Variants in SCFD1 observed in about 807,000 individuals in gnomAD.
SCFD1 encodes the protein sec1 family domain containing 1.
SCFD1 carries 37 observed loss-of-function variants against 103.2 expected under a neutral mutation model. The observed-to-expected ratio is 0.36, with a 90% confidence interval of 0.28 to 0.47. The LOEUF (loss-of-function observed/expected upper bound fraction) is 0.47. Ranked by LOEUF, SCFD1 falls within the 20% of genes least tolerant of loss-of-function variation. The pLI is 1.00. For synonymous variants in SCFD1, 264 were observed against 245.0 expected (o/e 1.08, Z -0.73); for missense variants, 639 against 761.2 (o/e 0.84, Z 1.89).
intron 10 of SCFD1, among the ~76,000 whole-genome samples, chr14:30,654,222 T>C (rs1886677368): frequency 1.3e-5 from 2 of 152,252 alleles, no homozygotes; most frequent in South Asian, 4.1e-4. Context: ...CAGGCCAGAA[T>C]AGTCTCTATT....
At chr14:30,628,747 G>A (rs1883788018) in intron 2 of SCFD1, among the ~76,000 whole-genome samples, 1 of 152,090 alleles carries the variant, frequency 6.6e-6, no homozygotes, top group Admixed American at 6.6e-5. Context: ...GAGAAATACT[G>A]GAGAGCCTTT....
At position 30,651,851 on chromosome 14, in the gene SCFD1, G is replaced by A. The variant is rs116594424; in HGVS notation, c.755+1201G>A. Among the ~76,000 whole-genome samples, 555 of 152,124 alleles carry A rather than the reference G, an allele frequency of 3.6e-3. 7 individuals are homozygous for A. The highest frequency in any genetic ancestry group is 0.013 in the African/African-American group (525 of 41,502). On this transcript the variant is annotated intron_variant, in intron 9 of 24. Transcript: ENST00000458591. ...TGATTTTCAACTAAGGGCAGTTTTTGCCTCCCATAGCCATTTGGTAATGTC... is the reference window on the plus strand; with the variant it reads ...TGATTTTCAACTAAGGGCAGTTTTTACCTCCCATAGCCATTTGGTAATGTC...
At chr14:30,623,204 C>G (rs1406719141) in intron 1 of SCFD1, among the ~76,000 whole-genome samples, 1 of 152,094 alleles carries the variant, frequency 6.6e-6, no homozygotes, top group African/African-American at 2.4e-5. Flanking sequence ...AGTTTTCAAG[C>G]AATTTATTCT....
At chr14:30,640,466 C>T (rs560741711) in intron 6 of SCFD1, among the ~76,000 whole-genome samples, 9 of 152,102 alleles carry the variant, frequency 5.9e-5, no homozygotes, top group Non-Finnish European at 1.3e-4. Flanking sequence ...ACCTAGTTTT[C>T]CTTAAGCCTT....
At chr14:30,694,610 G>A (rs1191083172) in intron 14 of SCFD1, among the ~76,000 whole-genome samples, 163 bp from the exon 15 acceptor site, 1 of 152,152 alleles carries the variant, frequency 6.6e-6, no homozygotes, top group East Asian at 1.9e-4. Context: ...AGTTGAGATT[G>A]CACCACTGTA....
chr14:30,683,384 A>G, intron 14 of SCFD1: 2 of 543,496 alleles, frequency 3.7e-6, no homozygotes, highest in Non-Finnish European at 3.4e-6. Context: ...TCAGGTCTTC[A>G]TATATTGTGG....
chr14:30,697,490 T>C (rs964285962), intron 15 of SCFD1, among the ~76,000 whole-genome samples: 1 of 152,206 alleles, frequency 6.6e-6, no homozygotes, highest in South Asian at 2.1e-4. Flanking sequence ...AAAATACTTA[T>C]TAACTGTAAG....
At chr14:30,659,115 TTAATC>T (rs1035424838) in intron 10 of SCFD1, among the ~76,000 whole-genome samples, 8 of 151,978 alleles carry the variant, frequency 5.3e-5, no homozygotes, top group South Asian at 2.1e-4. Flanking sequence ...GAATTTTTAT[TTAATC>T]TAAGGGAGAA....
chr14:30,630,617 G>A, intron 3 of SCFD1, 52 bp downstream of exon 3: 1 of 1,078,000 alleles, frequency 9.3e-7, no homozygotes, highest in East Asian at 2.4e-5. Flanking sequence ...AACATTTATA[G>A]AGAAAAATAG....
At chr14:30,649,676 A>G (rs1886216466) in intron 8 of SCFD1, 93 bp downstream of exon 8, 1 of 917,306 alleles carries the variant, frequency 1.1e-6, no homozygotes, top group South Asian at 1.6e-5. Flanking sequence ...ATTTAAATAT[A>G]TGATTGCTTG....
At chr14:30,713,486 A>G (rs1892041964) in intron 19 of SCFD1, among the ~76,000 whole-genome samples, 2 of 152,184 alleles carry the variant, frequency 1.3e-5, no homozygotes, top group African/African-American at 4.8e-5. Context: ...ATGTTACTTA[A>G]TGACCTATTT....
At chr14:30,681,097 C>T (rs986862604) in intron 14 of SCFD1, among the ~76,000 whole-genome samples, 1 of 151,830 alleles carries the variant, frequency 6.6e-6, no homozygotes, top group African/African-American at 2.4e-5. Context: ...CATGGTGGCG[C>T]ACACCTGTAG....
chr14:30,691,932 C>CTTTA (rs10639442), intron 14 of SCFD1, among the ~76,000 whole-genome samples: 62,261 of 142,916 alleles, frequency 0.44, 13,983 homozygotes, highest in Non-Finnish European at 0.49. Context: ...ATTTAGCATA[C>CTTTA]TTTATTTATT....
chr14:30,626,142 G>T (rs1226727386), intron 1 of SCFD1, among the ~76,000 whole-genome samples: 1 of 151,396 alleles, frequency 6.6e-6, no homozygotes, highest in Non-Finnish European at 1.5e-5. Context: ...GTGTTAAACT[G>T]TTTTTTTGTT....
intron 7 of SCFD1, chr14:30,643,934 G>A (rs1021618364): frequency 2.2e-6 from 1 of 456,412 alleles, no homozygotes; most frequent in Non-Finnish European, 4.4e-6. Flanking sequence ...TGTCACTGGG[G>A]TTTGGTGTAC....
intron 10 of SCFD1, among the ~76,000 whole-genome samples, chr14:30,668,613 G>T (rs1214019144): frequency 1.3e-5 from 2 of 151,968 alleles, no homozygotes; most frequent in Admixed American, 6.6e-5. Context: ...TGAACAGGCG[G>T]CCTACAGAAT....
chr14:30,713,298 ATATTG>A (rs1263268608), intron 19 of SCFD1, among the ~76,000 whole-genome samples: 2 of 152,250 alleles, frequency 1.3e-5, no homozygotes, highest in East Asian at 3.9e-4. Flanking sequence ...GAGTATGTGA[ATATTG>A]TATTGTATGG....
At chr14:30,681,573 G>A (rs1196768947) in intron 14 of SCFD1, among the ~76,000 whole-genome samples, 1 of 127,758 alleles carries the variant, frequency 7.8e-6, no homozygotes, top group Admixed American at 7.5e-5. Context: ...AAAACAATCT[G>A]ATAAAAGCTC....
chr14:30,715,802 C>T, intron 19 of SCFD1, 122 bp from the exon 20 acceptor site: 1 of 580,980 alleles, frequency 1.7e-6, no homozygotes, highest in Non-Finnish European at 3.0e-6. Flanking sequence ...TCACAGACTA[C>T]TTAATCTTAG....
Sources: allele counts gnomAD v4.1 joint callset (sites outside exome capture counted in the v4.1 genomes callset), GRCh38; gene constraint gnomAD v4.1.1; transcripts MANE v1.5; gene names NCBI Gene and HGNC (gene_info 2026-07-23, HGNC 2026-07-21).